JRK: variants seen among roughly 807,000 people sequenced by gnomAD.
JRK encodes the protein jerky protein homolog.
For synonymous variants in JRK, 303 were observed against 218.1 expected (o/e 1.39, Z -3.43); for missense variants, 720 against 509.2 (o/e 1.41, Z -3.98).
the JRK span, among the ~76,000 whole-genome samples, chr8:142,648,209 TAGAAA>T: frequency 1.3e-5 from 2 of 152,180 alleles, no homozygotes; most frequent in African/African-American, 4.8e-5. Context: ...GACAATGTGA[TAGAAA>T]AGAAAATGCC....
intron 1 of JRK, among the ~76,000 whole-genome samples, chr8:142,668,317 T>G (rs1263300453): frequency 6.6e-6 from 1 of 152,242 alleles, no homozygotes; most frequent in African/African-American, 2.4e-5. Flanking sequence ...ATAGGCTTGT[T>G]GGCTGCCACC....
chr8:142,669,561 T>C (rs2129831977), intron 1 of JRK, among the ~76,000 whole-genome samples: 1 of 152,212 alleles, frequency 6.6e-6, no homozygotes, highest in East Asian at 1.9e-4. Flanking sequence ...TCTGGTTTTT[T>C]AAGGGCAAGC....
Position 142,659,302 on chromosome 8 carries a change from C to G in JRK, c.*5050G>C. 9.7e-7 allele frequency: 1 copy of G among 1,029,588 alleles called. No homozygotes were observed. The highest frequency in any genetic ancestry group is 3.8e-5 in the South Asian group (1 of 26,192). The allele number at this position is 1,029,588 out of a possible 1,614,324, so 63.8% of individuals were successfully genotyped here. On this transcript the variant is annotated 3_prime_UTR_variant, in exon 2 of 2. Transcript: ENST00000612905. ...TTAGGACCAGGGCAAGACGCCTGAC[C>G]CCAGAGCAGACCATGCTGACACTGG...
the JRK span, among the ~76,000 whole-genome samples, chr8:142,649,766 C>A: frequency 1.3e-5 from 2 of 152,220 alleles, no homozygotes; most frequent in African/African-American, 4.8e-5. Flanking sequence ...GCAGGACCCT[C>A]ATGGAGAACC....
At chr8:142,646,991 C>T in the JRK span, among the ~76,000 whole-genome samples, 39,353 of 151,952 alleles carry the variant, frequency 0.26, 5,367 homozygotes, top group East Asian at 0.48. Context: ...GACTCTTAGA[C>T]GAAAAATCAG....
rs960443172 is a variant in JRK at position 142,659,066 on chromosome 8, T to C, written c.*5286A>G. ...GAAGAATGGATTCCTAGTGTATTTT[T>C]TCTCTTCAGAACTGACAGCCCATCA... On this transcript the variant is annotated 3_prime_UTR_variant, in exon 2 of 2. Transcript: ENST00000612905. 2.4e-5 allele frequency: 34 copies of C among 1,434,544 alleles called. 1 individual carries two copies. Among genetic ancestry groups the C allele is most frequent in the African/African-American group, 2.9e-5 (2 of 69,940 alleles). 88.9% of individuals were successfully genotyped at this position (1,434,544 alleles called of 1,614,324 possible). A position where few individuals can be genotyped will look rare whatever the true frequency, so the allele number is the denominator to read the frequency against.
At position 142,665,562 on chromosome 8, in the gene JRK, C is replaced by T. The variant is rs1554635763; in HGVS notation, c.497G>A (p.Cys166Tyr). 9 of 718,544 alleles carry T rather than the reference C, an allele frequency of 1.3e-5. No homozygotes were observed. Among genetic ancestry groups the T allele is most frequent in the Non-Finnish European group, 2.1e-5 (8 of 385,098 alleles). The allele number at this position is 718,544 out of a possible 1,614,324, so 44.5% of individuals were successfully genotyped here. ...SADHQAAEQF[C>Y]AFFRSLAAEH... ...AGCAGCCAAGCTCCTGAAAAACGCA[C>T]AGAACTGCTCCGCGGCCTGGTGGTC... Residue 166 changes from cysteine (C) to tyrosine (Y), a missense_variant, in exon 2 of 2, where the codon TGT (cysteine) becomes TAT (tyrosine). By Grantham distance (194) the Cys-to-Tyr change is radical. Transcript: ENST00000612905.
At chr8:142,655,984 G>T (rs1385713754), downstream of JRK, among the ~76,000 whole-genome samples, 4 of 152,062 alleles carry the variant, frequency 2.6e-5, no homozygotes, top group Admixed American at 2.6e-4. Flanking sequence ...CCTTCCTTTA[G>T]TTTTACCACC....
In JRK at chr8:142,660,256, G is replaced by T. The variant is rs1846874114; in HGVS notation, c.*4096C>A. The stretch of plus-strand genomic sequence containing the variant: ...GGGCTGGGTAAGCAGCAGAAGTGCA[G>T]AAGCCCTGCCCAGGCCCTGCCTCCC... On this transcript the variant is annotated 3_prime_UTR_variant, in exon 2 of 2. Transcript: ENST00000612905. 2 of 985,718 alleles carry T rather than the reference G, an allele frequency of 2.0e-6. No homozygotes were observed. The highest frequency in any genetic ancestry group is 6.1e-5 in the Admixed American group (1 of 16,272). The allele number at this position is 985,718 out of a possible 1,614,324, so 61.1% of individuals were successfully genotyped here.
Position 142,661,276 on chromosome 8 carries a change from G to A in JRK, c.*3076C>T. 1.0e-6 allele frequency: 1 copy of A among 985,438 alleles called. No individual in the cohort carries two copies. The allele number at this position is 985,438 out of a possible 1,614,324, so 61.0% of individuals were successfully genotyped here. A position where few individuals can be genotyped will look rare whatever the true frequency, so the allele number is the denominator to read the frequency against. ...TCTGTAAACCAACCCCAACGTAGAA[G>A]GGGCTGAAAGACCACCTACCCATCC... On this transcript the variant is annotated 3_prime_UTR_variant, in exon 2 of 2. Coordinates refer to ENST00000612905, the MANE Select transcript of JRK (RefSeq NM_003724.4).
chr8:142,647,987 G>A, the JRK span, among the ~76,000 whole-genome samples: 5 of 152,226 alleles, frequency 3.3e-5, no homozygotes, highest in Non-Finnish European at 5.9e-5. Context: ...CTGGAGTAAA[G>A]TGACTCTTGT....
chr8:142,657,201 T>A (rs1228136253), downstream of JRK, among the ~76,000 whole-genome samples: 2 of 152,154 alleles, frequency 1.3e-5, no homozygotes, highest in Non-Finnish European at 2.9e-5. Flanking sequence ...AGTCCTATAC[T>A]CACTCACCCA....
Position 142,660,008 on chromosome 8 carries a change from G to A in JRK, c.*4344C>T, listed in dbSNP as rs1846867175. The A allele has an allele frequency of 1.2e-5, 12 of 985,780 alleles. No individual in the cohort carries two copies. Among genetic ancestry groups the A allele is most frequent in the East Asian group, 1.1e-4 (1 of 8,830 alleles). 61.1% of individuals were successfully genotyped at this position (985,780 alleles called of 1,614,324 possible). A position where few individuals can be genotyped will look rare whatever the true frequency, so the allele number is the denominator to read the frequency against. ...ACACCACATGGGCAAAGGAGTGGGC[G>A]TGTGGGGCTGGGAGCTGGGGCTCAT... On this transcript the variant is annotated 3_prime_UTR_variant, in exon 2 of 2. Transcript: ENST00000612905.
Position 142,666,115 on chromosome 8 carries a change from C to A in JRK, c.-57G>T. The A allele has an allele frequency of 6.4e-7, 1 of 1,554,702 alleles. No individual in the cohort carries two copies. Among genetic ancestry groups the A allele is most frequent in the Non-Finnish European group, 8.7e-7 (1 of 1,149,546 alleles). ...GACACACGCCTGGCCTGGGCTGCTG[C>A]CACTACTTCCCTCTCCTCCTGCTCC... On this transcript the variant is annotated 5_prime_UTR_variant, in exon 2 of 2. Transcript: ENST00000612905.
At position 142,660,511 on chromosome 8, in the gene JRK, C is replaced by T. The variant is rs1004041157; in HGVS notation, c.*3841G>A. ...AAACTCCTGGGCTTGGGGATCCTCC[C>T]GCCTCGGCCTCCTGAGTAGCTGGGG... On this transcript the variant is annotated 3_prime_UTR_variant, in exon 2 of 2. Transcript: ENST00000612905. 7.3e-5 allele frequency: 60 copies of T among 823,826 alleles called. No homozygotes were observed. The highest frequency in any genetic ancestry group is 2.4e-4 in the African/African-American group (13 of 53,784). The allele number at this position is 823,826 out of a possible 1,614,324, so 51.0% of individuals were successfully genotyped here. A position where few individuals can be genotyped will look rare whatever the true frequency, so the allele number is the denominator to read the frequency against.
At position 142,658,153 on chromosome 8, in the gene JRK, TA is replaced by T. The variant is rs1228967614; in HGVS notation, c.*6198del. 1 of 152,302 alleles carries T rather than the reference TA, an allele frequency of 6.6e-6. No individual in the cohort carries two copies. The highest frequency in any genetic ancestry group is 1.5e-5 in the Non-Finnish European group (1 of 68,092). The allele number at this position is 152,302 out of a possible 1,614,324, so 9.4% of individuals were successfully genotyped here. ...TGGCCCATGACTGGCACTGAGGAGT[TA>T]GGGGCAATGGCAGAACTGCCTGGAC... is the stretch of plus-strand genomic sequence containing the variant. On this transcript the variant is annotated 3_prime_UTR_variant, in exon 2 of 2. Coordinates refer to ENST00000612905, the MANE Select transcript of JRK (RefSeq NM_003724.4).
Position 142,664,617 on chromosome 8 carries a change from T to C in JRK, c.1442A>G (p.Glu481Gly), listed in dbSNP as rs1554635220. 2.5e-6 allele frequency: 4 copies of C among 1,610,646 alleles called. No individual in the cohort carries two copies. The highest frequency in any genetic ancestry group is 2.5e-6 in the Non-Finnish European group (3 of 1,179,268). ...CTGCTCCCAGGCCACCTCCTCGCCC[T>C]CACCAGGATCTCCTCTGCCGTCCTG... ...ADQDGRGDPG[E>G]GEEVAWEQAA... is the part of the protein sequence containing the mutation. The change falls in exon 2 of 2, where the codon GAG becomes GGG. Residue 481 changes from glutamate (E) to glycine (G), a missense_variant. Physicochemically the swap from Glu to Gly is moderately conservative, Grantham distance 98. Coordinates refer to ENST00000612905, the MANE Select transcript of JRK (RefSeq NM_003724.4).
rs782277456 is a variant in JRK, at chr8:142,663,975, C to A, written c.*377G>T. ...CGGCCTGGAGGGCAACTTCTCTCCA[C>A]GTGGACAGACTGACATCTCCACCCT... On this transcript the variant is annotated 3_prime_UTR_variant, in exon 2 of 2. Coordinates refer to ENST00000612905, the MANE Select transcript of JRK (RefSeq NM_003724.4). 1.9e-6 allele frequency: 2 copies of A among 1,028,460 alleles called. No individual in the cohort carries two copies. The highest frequency in any genetic ancestry group is 2.3e-6 in the Non-Finnish European group (2 of 858,604). 63.7% of individuals were successfully genotyped at this position (1,028,460 alleles called of 1,614,324 possible).
rs868971709 is a variant in JRK at position 142,658,775 on chromosome 8, C to G, written c.*5577G>C. 1 of 1,546,092 alleles carries G rather than the reference C, an allele frequency of 6.5e-7. No individual in the cohort carries two copies. The highest frequency in any genetic ancestry group is 8.7e-7 in the Non-Finnish European group (1 of 1,144,390). ...ATGGAGATGGAGGCCACAGACCTACCAACACCCATAACCTCAAGGGCACTG... is the reference window on the plus strand; with the variant it reads ...ATGGAGATGGAGGCCACAGACCTACGAACACCCATAACCTCAAGGGCACTG... On this transcript the variant is annotated 3_prime_UTR_variant, in exon 2 of 2. Transcript: ENST00000612905.
Sources: allele counts gnomAD v4.1 joint callset (sites outside exome capture counted in the v4.1 genomes callset), GRCh38; gene constraint gnomAD v4.1.1; transcripts MANE v1.5; gene names NCBI Gene and HGNC (gene_info 2026-07-23, HGNC 2026-07-21).